MBP: variants seen among roughly 807,000 people sequenced by gnomAD.
MBP encodes Golli-MBP.
In MBP, 16 loss-of-function variants were observed where a neutral mutation model predicts 35.8. That is an observed-to-expected ratio of 0.45 (90% CI 0.30 to 0.68). The LOEUF (loss-of-function observed/expected upper bound fraction) is 0.68, where lower values mean the gene tolerates loss of function less well. MBP is among the 30% of genes least tolerant of loss of function. MBP has a pLI of 0.08. For missense variants in MBP, 380 were observed against 404.7 expected, an observed-to-expected ratio of 0.94 and a Z score of 0.52; for synonymous variants, 143 against 159.6, an observed-to-expected ratio of 0.90 and a Z score of 0.78.
intron 1 of MBP, among the ~76,000 whole-genome samples, chr18:77,116,523 G>T (rs1295444229): frequency 6.6e-6 from 1 of 152,204 alleles, no homozygotes; most frequent in Non-Finnish European, 1.5e-5. Context: ...CTTACTATGG[G>T]CTAGGTGCTC....
chr18:77,089,325 G>T (rs973982208), intron 2 of MBP, among the ~76,000 whole-genome samples: 4 of 152,244 alleles, frequency 2.6e-5, no homozygotes, highest in African/African-American at 9.6e-5. Context: ...TGGCCCCAGG[G>T]CAGGAATTCC....
intron 4 of MBP, among the ~76,000 whole-genome samples, chr18:76,994,091 G>A (rs553278666): frequency 4.0e-5 from 6 of 148,826 alleles, no homozygotes; most frequent in Non-Finnish European, 8.8e-5. Context: ...TCCATGAGAG[G>A]GGGTGTGAAA....
intron 4 of MBP, among the ~76,000 whole-genome samples, chr18:76,997,927 C>T (rs1016122484): frequency 6.6e-6 from 1 of 152,298 alleles, no homozygotes; most frequent in Non-Finnish European, 1.5e-5. Context: ...CGTGATCCGC[C>T]CGCCTCGGCC....
At chr18:77,006,730 G>T (rs988955939) in intron 4 of MBP, 9 of 152,204 alleles carry the variant, frequency 5.9e-5, no homozygotes, top group Admixed American at 2.0e-4. Context: ...GAGAGCACCG[G>T]TGTCTCTGGG....
Position 77,130,287 on chromosome 18 carries a change from CGGTGCAGAGCAGCAGTCAGGCGCT to C in MBP, c.-26+2269_-26+2292del, listed in dbSNP as rs555057114. On this transcript the variant is annotated intron_variant, in intron 1 of 8. Transcript: ENST00000355994. ...TTGCAAGGCATCCTTCTCACCACGG[CGGTGCAGAGCAGCAGTCAGGCGCT>C]GGTGCAGACTCCCCGGATGGAATCC... 3.0e-3 allele frequency among the ~76,000 whole-genome samples: 461 copies of C among 152,122 alleles called. 2 individuals are homozygous for C. The highest frequency in any genetic ancestry group is 8.7e-3 in the South Asian group (42 of 4,816).
chr18:77,103,842 G>A (rs541000798), intron 2 of MBP, among the ~76,000 whole-genome samples: 10 of 152,362 alleles, frequency 6.6e-5, no homozygotes, highest in African/African-American at 2.4e-4. Flanking sequence ...CCGATTCAGG[G>A]CACTACAGGG....
At chr18:77,011,301 T>A (rs578018333) in intron 4 of MBP, among the ~76,000 whole-genome samples, 2 of 152,336 alleles carry the variant, frequency 1.3e-5, no homozygotes, top group South Asian at 4.1e-4. Context: ...GACTTGGCTG[T>A]CCTCATAAGC....
chr18:77,101,264 C>T lies in MBP; in HGVS notation c.51+3947G>A, dbSNP rs1975996056. On this transcript the variant is annotated intron_variant, in intron 2 of 8. Coordinates refer to ENST00000355994, the MANE Select transcript of MBP (RefSeq NM_001025101.2). The surrounding 1 kb of genome is among the most constrained non-coding windows in gnomAD (Gnocchi z 4.3). The stretch of plus-strand genomic sequence containing the variant: ...GGCACCCTTTCCTTCTTGGGTTCTG[C>T]CAAGTTCTGTAGTAAGATGGAGAAC... 6.6e-6 allele frequency among the ~76,000 whole-genome samples: 1 copy of T among 152,162 alleles called. No individual in the cohort carries two copies. The highest frequency in any genetic ancestry group is 2.4e-5 in the African/African-American group (1 of 41,428).
intron 3 of MBP, among the ~76,000 whole-genome samples, chr18:77,027,826 T>C (rs1339518798): frequency 6.6e-6 from 1 of 152,136 alleles, no homozygotes. Context: ...GAGCTGTGAC[T>C]ACAGGTACAT....
chr18:77,084,493 AG>A (rs1433765244), intron 2 of MBP, among the ~76,000 whole-genome samples: 2 of 145,422 alleles, frequency 1.4e-5, no homozygotes, highest in Admixed American at 1.4e-4. Context: ...ACAGTTGCCC[AG>A]CAACTGCCTG....
intron 2 of MBP, among the ~76,000 whole-genome samples, chr18:77,089,925 T>C (rs1246943340): frequency 6.6e-6 from 1 of 152,086 alleles, no homozygotes; most frequent in East Asian, 1.9e-4. Context: ...AATGGCATCT[T>C]CATCTGTGTC....
At chr18:77,070,600 C>G (rs1215198744) in intron 2 of MBP, among the ~76,000 whole-genome samples, 1 of 152,222 alleles carries the variant, frequency 6.6e-6, no homozygotes, top group Non-Finnish European at 1.5e-5. Flanking sequence ...CTCATTTTCT[C>G]TGTGTGTAAA....
At chr18:77,128,121 C>G (rs1297134738) in intron 1 of MBP, among the ~76,000 whole-genome samples, 2 of 152,192 alleles carry the variant, frequency 1.3e-5, no homozygotes, top group South Asian at 4.1e-4. Context: ...TAACCAAAAC[C>G]TGGAAATAAT....
chr18:77,016,540 G>C (rs970481183), intron 4 of MBP: 2 of 1,256,652 alleles, frequency 1.6e-6, no homozygotes, highest in Non-Finnish European at 1.0e-6. Flanking sequence ...TTTCTGCAAC[G>C]CCCATGTCCA....
At position 76,988,795 on chromosome 18, in the gene MBP, A is replaced by C; in HGVS notation, c.717+82T>G. On this transcript the variant is annotated intron_variant, in intron 6 of 8. Coordinates refer to ENST00000355994, the MANE Select transcript of MBP (RefSeq NM_001025101.2). This position sits in a 1 kb window ranked among gnomAD's most constrained non-coding sequence, Gnocchi z 5.2. ...ATGGATTCTGGTAGCTCGGAGCCTA[A>C]CTCTCTCTTTGGTACATTATGGGAT... is the stretch of plus-strand genomic sequence containing the variant. The C allele has an allele frequency of 4.0e-6, 6 of 1,489,458 alleles. No homozygotes were observed. Among genetic ancestry groups the C allele is most frequent in the Non-Finnish European group, 5.5e-6 (6 of 1,089,260 alleles). 92.3% of individuals were successfully genotyped at this position (1,489,458 alleles called of 1,614,324 possible).
At chr18:76,981,490 A>G (rs1969197880) in intron 8 of MBP, 2 of 152,238 alleles carry the variant, frequency 1.3e-5, no homozygotes, top group African/African-American at 4.8e-5. Flanking sequence ...CCAAGGTGAC[A>G]GTTCTGACTT....
At position 77,124,788 on chromosome 18, in the gene MBP, T is replaced by C. The variant is rs1976997874; in HGVS notation, c.-26+7792A>G. On this transcript the variant is annotated intron_variant, in intron 1 of 8. Coordinates refer to ENST00000355994, the MANE Select transcript of MBP (RefSeq NM_001025101.2). ...TGGGGCCCTGGTTTGCTGGCCTCTG[T>C]CTGAATCATGCTAGACTGCTCTTAG... Among the ~76,000 whole-genome samples the C allele has an allele frequency of 2.0e-5, 3 of 151,582 alleles. No homozygotes were observed. In the South Asian group the frequency reaches 6.2e-4, roughly 31 times the overall value.
Position 77,020,651 on chromosome 18 carries a change from G to T in MBP, c.140-3383C>A, listed in dbSNP as rs1243413570. On this transcript the variant is annotated intron_variant, in intron 3 of 8. Coordinates refer to ENST00000355994, the MANE Select transcript of MBP (RefSeq NM_001025101.2). The surrounding 1 kb of genome is among the most constrained non-coding windows in gnomAD (Gnocchi z 4.1). Reference sequence around the variant, plus strand: ...GACCCTTCCCAGGGCTTTACTCGGGGCTGGTCTCATAGGCTGCCTCGCTTG... The same window carrying T: ...GACCCTTCCCAGGGCTTTACTCGGGTCTGGTCTCATAGGCTGCCTCGCTTG... Among the ~76,000 whole-genome samples the T allele has an allele frequency of 4.6e-5, 7 of 152,338 alleles. No homozygotes were observed. The highest frequency in any genetic ancestry group is 1.3e-4 in the Admixed American group (2 of 15,310).
chr18:77,065,195 A>G (rs981508476), intron 3 of MBP, among the ~76,000 whole-genome samples: 1 of 152,188 alleles, frequency 6.6e-6, no homozygotes, highest in Non-Finnish European at 1.5e-5. Context: ...AAAGAAAATA[A>G]ATTTATTCCT....
Sources: gnomAD v4.1 joint callset for allele counts (sites outside exome capture counted in the v4.1 genomes callset) on GRCh38, gnomAD v4.1.1 for gene constraint, Gnocchi (gnomAD v3.1) non-coding constraint, MANE v1.5 for transcripts, NCBI Gene and HGNC (gene_info 2026-07-23, HGNC 2026-07-21) for gene names.